TOP3A: variants seen among roughly 807,000 people sequenced by gnomAD.
The protein encoded by TOP3A is DNA topoisomerase III alpha.
A neutral mutation model predicts 111.3 loss-of-function variants in TOP3A; 64 were observed. The ratio of observed to expected loss-of-function variants is 0.57; its 90% CI spans 0.47 to 0.71. TOP3A has a LOEUF of 0.71. TOP3A is among the 30% of genes least tolerant of loss of function. The probability of loss-of-function intolerance (pLI) is 0.00; values close to 1 mark genes in which losing one functional copy is unlikely to be tolerated. For synonymous variants in TOP3A, 484 were observed against 485.1 expected (o/e 1.00, Z 0.03); for missense variants, 1,104 against 1,285.0 (o/e 0.86, Z 2.15).
At position 18,280,666 on chromosome 17, in the gene TOP3A, C is replaced by CA. The variant is rs982027499; in HGVS notation, c.2022-9dup. The CA allele has an allele frequency of 1.2e-6, 2 of 1,613,702 alleles. No homozygotes were observed. The highest frequency in any genetic ancestry group is 2.7e-5 in the African/African-American group (2 of 74,932). Reference sequence around the variant, plus strand: ...ATGCAGCTGAGGTAGAACCTGGGGACAAAGTGCCATGTCAGATGATAGGAG... The same window carrying CA: ...ATGCAGCTGAGGTAGAACCTGGGGACAAAAGTGCCATGTCAGATGATAGGAG... On this transcript the variant is annotated splice_polypyrimidine_tract_variant and intron_variant, in intron 16 of 18. Transcript: ENST00000321105.
chr17:18,294,949 C>A (rs1000767340), intron 9 of TOP3A, among the ~76,000 whole-genome samples, 164 bp from the exon 10 acceptor site: 1 of 152,200 alleles, frequency 6.6e-6, no homozygotes, highest in Non-Finnish European at 1.5e-5. Context: ...GCCTGCCAAG[C>A]AGAGTCAGAT....
chr17:18,296,066 C>G (rs1014929827), intron 9 of TOP3A, among the ~76,000 whole-genome samples: 11 of 151,904 alleles, frequency 7.2e-5, no homozygotes, highest in African/African-American at 2.2e-4. Context: ...GCGCCCGGCC[C>G]GAAATCTACA....
chr17:18,308,990 G>T, intron 1 of TOP3A, 49 bp from the exon 2 acceptor site: 1 of 1,059,096 alleles, frequency 9.4e-7, no homozygotes, highest in Non-Finnish European at 1.3e-6. Flanking sequence ...TAAAACAATG[G>T]ATTCCTTTGT....
At chr17:18,294,612 G>A in intron 10 of TOP3A, 91 bp downstream of exon 10, 1 of 954,146 alleles carries the variant, frequency 1.0e-6, no homozygotes, top group Non-Finnish European at 1.7e-6. Flanking sequence ...ACAGGTGTGA[G>A]CCACCGTGCC....
At chr17:18,288,735 A>G (rs1038969216) in intron 13 of TOP3A, among the ~76,000 whole-genome samples, 7 of 152,144 alleles carry the variant, frequency 4.6e-5, no homozygotes, top group Admixed American at 2.0e-4. Context: ...AAGTCTTACT[A>G]TGAGGTTTTG....
chr17:18,297,399 T>C (rs1306088406), intron 9 of TOP3A, among the ~76,000 whole-genome samples: 1 of 150,166 alleles, frequency 6.7e-6, no homozygotes, highest in Non-Finnish European at 1.5e-5. Flanking sequence ...CACTCCAGCC[T>C]AGGCAACAAG....
At position 18,301,878 on chromosome 17, in the gene TOP3A, T is replaced by C; in HGVS notation, c.915+7A>G. The C allele has an allele frequency of 6.2e-7, 1 of 1,612,702 alleles. No homozygotes were observed. Among genetic ancestry groups the C allele is most frequent in the Non-Finnish European group, 8.5e-7 (1 of 1,178,866 alleles). ...AGAATGTTTCCTAGATCATTAGGGG[T>C]TCTTACCTCCACACACAACTGATAG... is the stretch of plus-strand genomic sequence containing the variant. On this transcript the variant is annotated splice_region_variant and intron_variant, in intron 8 of 18. Coordinates refer to ENST00000321105, the MANE Select transcript of TOP3A (RefSeq NM_004618.5).
At chr17:18,298,832 T>C (rs1215628792) in intron 9 of TOP3A, among the ~76,000 whole-genome samples, 1 of 152,158 alleles carries the variant, frequency 6.6e-6, no homozygotes, top group Non-Finnish European at 1.5e-5. Flanking sequence ...AGATGTGCTT[T>C]GTTAAACAGA....
Position 18,274,923 on chromosome 17 carries a change from G to C in TOP3A, c.2885C>G (p.Ala962Gly). ...GDRGRTLESE[A>G]RSKRPRASSS... The stretch of plus-strand genomic sequence containing the variant: ...ACTGGCCCGGGGCCTTTTGCTTCTG[G>C]CTTCCGACTCCAGGGTTCTTCCTCT... Residue 962 changes from alanine (A) to glycine (G), a missense_variant, in exon 19 of 19, where the codon GCC becomes GGC. Transcript: ENST00000321105. 1.9e-6 allele frequency: 3 copies of C among 1,614,150 alleles called. No homozygotes were observed. The highest frequency in any genetic ancestry group is 2.5e-6 in the Non-Finnish European group (3 of 1,180,024).
intron 16 of TOP3A, 21 bp from the exon 17 acceptor site, chr17:18,280,679 C>A: frequency 6.2e-7 from 1 of 1,613,396 alleles, no homozygotes; most frequent in South Asian, 1.1e-5. Flanking sequence ...AGTGCCATGT[C>A]AGATGATAGG....
chr17:18,297,228 C>T (rs1461467073), intron 9 of TOP3A, among the ~76,000 whole-genome samples: 1 of 152,178 alleles, frequency 6.6e-6, no homozygotes, highest in African/African-American at 2.4e-5. Context: ...AAGTTCGAGA[C>T]CAGCCTGACC....
chr17:18,303,969 G>A (rs1981400224), intron 5 of TOP3A, among the ~76,000 whole-genome samples: 1 of 152,108 alleles, frequency 6.6e-6, no homozygotes, highest in Non-Finnish European at 1.5e-5. Context: ...TGCTCTTGGT[G>A]AACATTTTTT....
chr17:18,281,782 T>C (rs563847345), intron 16 of TOP3A, among the ~76,000 whole-genome samples: 1 of 152,246 alleles, frequency 6.6e-6, no homozygotes, highest in South Asian at 2.1e-4. Context: ...TCCTTTCTTA[T>C]TCAGCAGCAA....
intron 2 of TOP3A, 121 bp from the exon 3 acceptor site, chr17:18,308,545 AATAAAC>A (rs1482764156): frequency 3.6e-5 from 23 of 642,550 alleles, no homozygotes; most frequent in Non-Finnish European, 6.0e-5. Flanking sequence ...ATTGGGAAGA[AATAAAC>A]ATAAATATAA....
At position 18,304,662 on chromosome 17, in the gene TOP3A, C is replaced by T. The variant is rs562306612; in HGVS notation, c.499+450G>A. On this transcript the variant is annotated intron_variant, in intron 5 of 18. Coordinates refer to ENST00000321105, the MANE Select transcript of TOP3A (RefSeq NM_004618.5). ...TTTTGTACTTTACTTGTGGTATATT[C>T]ATTCTTTTATACATATTCAATATGT... 2.6e-5 allele frequency among the ~76,000 whole-genome samples: 4 copies of T among 152,286 alleles called. No homozygotes were observed. In the South Asian group the frequency reaches 8.3e-4, roughly 32 times the overall value.
chr17:18,298,880 C>T (rs975470421), intron 9 of TOP3A, among the ~76,000 whole-genome samples: 8 of 151,868 alleles, frequency 5.3e-5, no homozygotes, highest in Non-Finnish European at 8.8e-5. Flanking sequence ...GTCATCACCA[C>T]TCCCTAATCT....
chr17:18,275,516 C>G (rs545424040), intron 18 of TOP3A, among the ~76,000 whole-genome samples: 3 of 150,220 alleles, frequency 2.0e-5, no homozygotes, highest in Non-Finnish European at 4.4e-5. Context: ...CCCGCCACCA[C>G]GCCCGGCTAC....
At chr17:18,309,502 G>T (rs1287960346) in intron 1 of TOP3A, among the ~76,000 whole-genome samples, 2 of 151,966 alleles carry the variant, frequency 1.3e-5, no homozygotes, top group African/African-American at 4.8e-5. Context: ...AATTGGCCAG[G>T]TGTGGTGGTG....
intron 4 of TOP3A, among the ~76,000 whole-genome samples, chr17:18,305,486 A>ACACACACGCGCGCG (rs1164323613): frequency 9.4e-5 from 14 of 149,516 alleles, no homozygotes; most frequent in South Asian, 2.1e-4. Context: ...ACACACACAC[A>ACACACACGCGCGCG]CGCGCGCGCG....
Sources: allele counts gnomAD v4.1 joint callset (sites outside exome capture counted in the v4.1 genomes callset), GRCh38; gene constraint gnomAD v4.1.1; transcripts MANE v1.5; gene names NCBI Gene and HGNC (gene_info 2026-07-23, HGNC 2026-07-21).